Variants in MARCHF11 observed in about 807,000 individuals in gnomAD.
The protein encoded by MARCHF11 is E3 ubiquitin-protein ligase MARCHF11.
MARCHF11 carries 29 observed loss-of-function variants against 37.3 expected under a neutral mutation model. That is an observed-to-expected ratio of 0.78 (90% CI 0.58 to 1.06). The LOEUF (loss-of-function observed/expected upper bound fraction) is 1.06. Among genes scored for constraint, MARCHF11 ranks in the 50% least tolerant of loss-of-function variants. MARCHF11 has a pLI of 0.00. For synonymous variants in MARCHF11, 233 were observed against 228.0 expected, an observed-to-expected ratio of 1.02 and a Z score of -0.20; for missense variants, 482 against 533.4, an observed-to-expected ratio of 0.90 and a Z score of 0.95.
intron 2 of MARCHF11, among the ~76,000 whole-genome samples, chr5:16,114,743 G>A (rs1399205194): frequency 6.6e-6 from 1 of 151,836 alleles, no homozygotes; most frequent in Non-Finnish European, 1.5e-5. Flanking sequence ...TTCCACCCTG[G>A]CCTCCCAAAG....
At chr5:16,112,260 G>T (rs771817376) in intron 2 of MARCHF11, among the ~76,000 whole-genome samples, 1 of 152,122 alleles carries the variant, frequency 6.6e-6, no homozygotes, top group Non-Finnish European at 1.5e-5. Context: ...TGAAAAAGCC[G>T]CAAACACTCA....
intron 2 of MARCHF11, among the ~76,000 whole-genome samples, chr5:16,118,140 A>G (rs1355346034): frequency 6.6e-6 from 1 of 152,218 alleles, no homozygotes; most frequent in Non-Finnish European, 1.5e-5. Flanking sequence ...ATCCTGAGGA[A>G]CACACAGAAC....
rs556667588 is a variant in MARCHF11 at position 16,173,891 on chromosome 5, CT to C, written c.693+3834del. On this transcript the variant is annotated intron_variant, in intron 2 of 3. Coordinates refer to ENST00000332432, the MANE Select transcript of MARCHF11 (RefSeq NM_001102562.3). ...ATAAGACAGGTAGCATTGTCATCTC[CT>C]TTTTGAAGATGAGTCAATGGAGATG... Among the ~76,000 whole-genome samples the C allele has an allele frequency of 7.2e-5, 11 of 152,304 alleles. No individual in the cohort carries two copies. The East Asian group carries it at 1.5e-3, about 21-fold the overall frequency.
Position 16,179,029 on chromosome 5 carries a change from C to T in MARCHF11, c.537+10G>A, listed in dbSNP as rs1738415532. ...GCCACCGGCTGCCTCGGGGTCTCGC[C>T]GGGCCTTACCTGCTCCGCGCCCTGG... On this transcript the variant is annotated intron_variant, in intron 1 of 3. Coordinates refer to ENST00000332432, the MANE Select transcript of MARCHF11 (RefSeq NM_001102562.3). 1 of 1,451,670 alleles carries T rather than the reference C, an allele frequency of 6.9e-7. No homozygotes were observed. Among genetic ancestry groups the T allele is most frequent in the Non-Finnish European group, 9.0e-7 (1 of 1,106,922 alleles). The allele number at this position is 1,451,670 out of a possible 1,614,324, so 89.9% of individuals were successfully genotyped here. A position where few individuals can be genotyped will look rare whatever the true frequency, so the allele number is the denominator to read the frequency against.
chr5:16,098,250 T>C (rs1033613730), intron 2 of MARCHF11, among the ~76,000 whole-genome samples: 1 of 152,164 alleles, frequency 6.6e-6, no homozygotes, highest in Non-Finnish European at 1.5e-5. Context: ...GATCAGGAAC[T>C]AGGCAAAGAT....
intron 2 of MARCHF11, among the ~76,000 whole-genome samples, chr5:16,155,360 G>A (rs912217239): frequency 6.6e-6 from 1 of 151,556 alleles, no homozygotes; most frequent in African/African-American, 2.4e-5. Context: ...ATTGGGGTGG[G>A]GCCTGAGGGG....
At chr5:16,127,162 G>A (rs1560982802) in intron 2 of MARCHF11, among the ~76,000 whole-genome samples, 1 of 152,188 alleles carries the variant, frequency 6.6e-6, no homozygotes, top group African/African-American at 2.4e-5. Context: ...ACTAGCATGT[G>A]TTAAGGAGGC....
At chr5:16,089,298 C>T (rs1736752988) in intron 3 of MARCHF11, among the ~76,000 whole-genome samples, 1 of 152,070 alleles carries the variant, frequency 6.6e-6, no homozygotes, top group Admixed American at 6.5e-5. Context: ...AGAATAAACA[C>T]TGTCTTTGAA....
At chr5:16,133,569 C>T (rs1445497355) in intron 2 of MARCHF11, among the ~76,000 whole-genome samples, 2 of 152,130 alleles carry the variant, frequency 1.3e-5, no homozygotes, top group Non-Finnish European at 2.9e-5. Flanking sequence ...TTTTCTTACA[C>T]AGCACTAGCT....
In MARCHF11 at chr5:16,179,606, C is replaced by G. The variant is rs1429175603; in HGVS notation, c.-31G>C. On this transcript the variant is annotated 5_prime_UTR_variant, in exon 1 of 4. Coordinates refer to ENST00000332432, the MANE Select transcript of MARCHF11 (RefSeq NM_001102562.3). ...TGCCGCCGCCGCCCTCCTGCCGGCC[C>G]GGCTGGCGGGCCGGGCTCTGGCTGC... The G allele has an allele frequency of 9.5e-7, 1 of 1,048,626 alleles. No homozygotes were observed. The highest frequency in any genetic ancestry group is 1.1e-6 in the Non-Finnish European group (1 of 872,418). 65.0% of individuals were successfully genotyped at this position (1,048,626 alleles called of 1,614,324 possible).
chr5:16,162,296 T>C (rs1431391430), intron 2 of MARCHF11, among the ~76,000 whole-genome samples: 1 of 151,950 alleles, frequency 6.6e-6, no homozygotes, highest in African/African-American at 2.4e-5. Context: ...ATAAAATAGA[T>C]TGAGAAAACT....
chr5:16,165,834 T>A (rs1738160084), intron 2 of MARCHF11, among the ~76,000 whole-genome samples: 1 of 152,098 alleles, frequency 6.6e-6, no homozygotes, highest in African/African-American at 2.4e-5. Flanking sequence ...CTTTCCACTC[T>A]ATTACCAATC....
At chr5:16,127,786 A>G (rs1737438996) in intron 2 of MARCHF11, among the ~76,000 whole-genome samples, 5 of 152,042 alleles carry the variant, frequency 3.3e-5, no homozygotes, top group Admixed American at 3.3e-4. Flanking sequence ...AGGCCTCCAG[A>G]CCTCGTCTGT....
chr5:16,108,535 G>A (rs947782096), intron 2 of MARCHF11, among the ~76,000 whole-genome samples: 2 of 152,226 alleles, frequency 1.3e-5, no homozygotes, highest in Non-Finnish European at 2.9e-5. Context: ...CTGCCAGGGA[G>A]AGGAAGGGAT....
intron 2 of MARCHF11, among the ~76,000 whole-genome samples, chr5:16,168,197 C>T (rs1039379963): frequency 1.3e-5 from 2 of 152,064 alleles, no homozygotes; most frequent in Admixed American, 6.6e-5. Context: ...GTTTTCTTTT[C>T]GGTAACAAAT....
At chr5:16,154,949 T>C (rs1326870538) in intron 2 of MARCHF11, among the ~76,000 whole-genome samples, 1 of 151,862 alleles carries the variant, frequency 6.6e-6, no homozygotes, top group African/African-American at 2.4e-5. Flanking sequence ...AAAAGTTTAA[T>C]GGCTCATATT....
At chr5:16,173,058 G>A (rs980154878) in intron 2 of MARCHF11, among the ~76,000 whole-genome samples, 4 of 152,210 alleles carry the variant, frequency 2.6e-5, no homozygotes, top group African/African-American at 7.2e-5. Context: ...AGGAAAACGA[G>A]TAAGGGAAAG....
chr5:16,167,495 C>A (rs1453921382), intron 2 of MARCHF11, among the ~76,000 whole-genome samples: 1 of 152,050 alleles, frequency 6.6e-6, no homozygotes, highest in African/African-American at 2.4e-5. Flanking sequence ...TCTAGTCAGG[C>A]TTTGAACTGA....
At chr5:16,108,357 T>A (rs1429677806) in intron 2 of MARCHF11, among the ~76,000 whole-genome samples, 1 of 152,248 alleles carries the variant, frequency 6.6e-6, no homozygotes, top group East Asian at 1.9e-4. Flanking sequence ...GCCACACCCC[T>A]GTCGCATGTC....
Sources: gnomAD v4.1 joint callset for allele counts (sites outside exome capture counted in the v4.1 genomes callset) on GRCh38, gnomAD v4.1.1 for gene constraint, MANE v1.5 for transcripts, NCBI Gene and HGNC (gene_info 2026-07-23, HGNC 2026-07-21) for gene names.